ZER1: variants seen among roughly 807,000 people sequenced by gnomAD.
ZER1 encodes the protein zyg-11 related cell cycle regulator.
ZER1 carries 11 observed loss-of-function variants against 78.8 expected under a neutral mutation model. That is an observed-to-expected ratio of 0.14 (90% CI 0.09 to 0.23). The LOEUF (loss-of-function observed/expected upper bound fraction) is 0.23, where lower values mean the gene tolerates loss of function less well. Ranked by LOEUF, ZER1 falls within the 10% of genes least tolerant of loss-of-function variation. The pLI is 1.00. For missense variants in ZER1, 588 were observed against 996.9 expected, an observed-to-expected ratio of 0.59 and a Z score of 5.52; for synonymous variants, 400 against 407.0, an observed-to-expected ratio of 0.98 and a Z score of 0.21.
At chr9:128,759,018 G>A (rs1863954447) in intron 1 of ZER1, among the ~76,000 whole-genome samples, 1 of 145,482 alleles carries the variant, frequency 6.9e-6, no homozygotes, top group Admixed American at 6.9e-5. Flanking sequence ...TTTTTTTTTA[G>A]ACTGAGTCTT....
At chr9:128,735,470 G>C (rs996276495) in intron 13 of ZER1, 39 bp from the exon 14 acceptor site, 1 of 1,581,108 alleles carries the variant, frequency 6.3e-7, no homozygotes, top group South Asian at 1.1e-5. Context: ...GGATGCTGAG[G>C]GTGGGGAGTG....
intron 1 of ZER1, among the ~76,000 whole-genome samples, chr9:128,766,308 C>T (rs1305506948): frequency 6.9e-6 from 1 of 145,508 alleles, no homozygotes; most frequent in African/African-American, 2.6e-5. Flanking sequence ...AAGATTGCAC[C>T]ACTGTACTCC....
intron 8 of ZER1, among the ~76,000 whole-genome samples, chr9:128,750,088 C>T (rs1863625948): frequency 6.6e-6 from 1 of 152,112 alleles, no homozygotes; most frequent in South Asian, 2.1e-4. Flanking sequence ...TGTTCATATT[C>T]ATGTGACAAC....
chr9:128,744,248 G>T (rs1041916995), intron 8 of ZER1, among the ~76,000 whole-genome samples: 1 of 151,758 alleles, frequency 6.6e-6, no homozygotes, highest in Non-Finnish European at 1.5e-5. Context: ...GTCCAGTGGT[G>T]CAATCTTGCA....
At chr9:128,750,889 T>A in intron 7 of ZER1, 100 bp from the exon 8 acceptor site, 1 of 1,526,794 alleles carries the variant, frequency 6.5e-7, no homozygotes, top group Non-Finnish European at 8.9e-7. Context: ...TTTAGCCTGG[T>A]CTTGCTCTCT....
intron 1 of ZER1, among the ~76,000 whole-genome samples, chr9:128,763,723 C>A (rs1864119524): frequency 6.6e-6 from 1 of 152,218 alleles, no homozygotes; most frequent in Non-Finnish European, 1.5e-5. Context: ...TGCAGTGGCT[C>A]ACACCTGTAA....
intron 14 of ZER1, among the ~76,000 whole-genome samples, chr9:128,734,059 C>T (rs1365975609): frequency 1.0e-5 from 1 of 98,344 alleles, no homozygotes; most frequent in Non-Finnish European, 2.0e-5. Flanking sequence ...ACCCGGGAGG[C>T]GGAGCTTGCA....
At chr9:128,741,023 C>A in intron 11 of ZER1, 136 bp from the exon 12 acceptor site, 1 of 630,550 alleles carries the variant, frequency 1.6e-6, no homozygotes. Context: ...TGCCCTCCTA[C>A]CCTCCAATGC....
At position 128,755,046 on chromosome 9, in the gene ZER1, G is replaced by C. The variant is rs146854328; in HGVS notation, c.158+362C>G. 6.6e-6 allele frequency among the ~76,000 whole-genome samples: 1 copy of C among 152,166 alleles called. No homozygotes were observed. The highest frequency in any genetic ancestry group is 1.9e-4 in the East Asian group (1 of 5,198). On this transcript the variant is annotated intron_variant, in intron 2 of 15. Transcript: ENST00000291900. This position sits in a 1 kb window ranked among gnomAD's most constrained non-coding sequence, Gnocchi z 5.6. ...TATGTGCATGTGAATGTACATACACGTGTGGGGCAACACTTAATTCCTTCA... is the reference window on the plus strand; with the variant it reads ...TATGTGCATGTGAATGTACATACACCTGTGGGGCAACACTTAATTCCTTCA...
Position 128,741,810 on chromosome 9 carries a change from A to T in ZER1, c.1607T>A (p.Leu536Gln), listed in dbSNP as rs751892608. Residue 536 changes from leucine (L) to glutamine (Q), a missense_variant, in exon 10 of 16, where the codon CTG becomes CAG. Leu to Gln is a moderately radical substitution (Grantham distance 113). Around this residue, in one of 3 missense-constraint regions of ZER1, gnomAD observed 60 missense variants for 163.3 expected, o/e 0.37. Transcript: ENST00000291900. Reference sequence around the variant, plus strand: ...GAAGACTTGACTTACTGTCTTGTCCAGCAGCTTCTTCTGAATCAGCTTCAG... The same window carrying T: ...GAAGACTTGACTTACTGTCTTGTCCTGCAGCTTCTTCTGAATCAGCTTCAG... ...TMLKLIQKKL[L>Q]DKTCDQVMEF... The T allele has an allele frequency of 2.5e-6, 4 of 1,614,226 alleles. No homozygotes were observed. In the South Asian group the frequency reaches 4.4e-5, roughly 18 times the overall value.
chr9:128,768,534 C>G (rs1249075372), intron 1 of ZER1, among the ~76,000 whole-genome samples: 1 of 152,148 alleles, frequency 6.6e-6, no homozygotes, highest in Non-Finnish European at 1.5e-5. Context: ...AACAGCAGAG[C>G]CGGGATTTGA....
At chr9:128,742,236 A>G (rs1402397920) in intron 9 of ZER1, among the ~76,000 whole-genome samples, 1 of 152,198 alleles carries the variant, frequency 6.6e-6, no homozygotes, top group Non-Finnish European at 1.5e-5. Context: ...TGGGGACACA[A>G]TGACGGAAGG....
In ZER1 at chr9:128,730,166, G is replaced by C. The variant is rs984303516; in HGVS notation, c.*1171C>G. The C allele has an allele frequency of 2.6e-5, 4 of 152,670 alleles. No homozygotes were observed. Among genetic ancestry groups the C allele is most frequent in the African/African-American group, 9.6e-5 (4 of 41,486 alleles). 9.5% of individuals were successfully genotyped at this position (152,670 alleles called of 1,614,324 possible). On this transcript the variant is annotated 3_prime_UTR_variant, in exon 16 of 16. Transcript: ENST00000291900. ...GGTTAGCGCTGCTCCCCAGGCCCCT[G>C]CGCTCCACAAGTGTCCGATGAGAAG...
intron 1 of ZER1, among the ~76,000 whole-genome samples, chr9:128,765,996 G>C (rs2132488818): frequency 1.3e-5 from 2 of 152,320 alleles, no homozygotes; most frequent in Non-Finnish European, 2.9e-5. Flanking sequence ...CAGACTGGTT[G>C]GGTTCTATTC....
Position 128,735,760 on chromosome 9 carries a change from G to GTTTTTTTTTTTTTTTTTTTTTTTTTT in ZER1, c.2043-330_2043-329insAAAAAAAAAAAAAAAAAAAAAAAAAA, listed in dbSNP as rs779646793. On this transcript the variant is annotated intron_variant, in intron 13 of 15. Transcript: ENST00000291900. ...CTGGGAACAGAAGCACGTGTGACCT[G>GTTTTTTTTTTTTTTTTTTTTTTTTTT]GTTTTTTTTTTTTTTTTTTTTTTTT... Among the ~76,000 whole-genome samples, 8 of 16,176 alleles carry GTTTTTTTTTTTTTTTTTTTTTTTTTT rather than the reference G, an allele frequency of 4.9e-4. 4 individuals are homozygous for GTTTTTTTTTTTTTTTTTTTTTTTTTT. Among genetic ancestry groups the GTTTTTTTTTTTTTTTTTTTTTTTTTT allele is most frequent in the South Asian group, 4.3e-3 (2 of 460 alleles). 10.6% of individuals were successfully genotyped at this position (16,176 alleles called of 152,430 possible).
At chr9:128,766,760 C>T (rs143588763) in intron 1 of ZER1, among the ~76,000 whole-genome samples, 4,815 of 144,064 alleles carry the variant, frequency 0.033, 93 homozygotes, top group Middle Eastern at 0.083. Context: ...GCAGGAGAAT[C>T]GCTTGAACCT....
At position 128,742,293 on chromosome 9, in the gene ZER1, G is replaced by A. The variant is rs1403678220; in HGVS notation, c.1575+237C>T. 3.3e-5 allele frequency among the ~76,000 whole-genome samples: 5 copies of A among 152,366 alleles called. No individual in the cohort carries two copies. In the East Asian group the frequency reaches 5.8e-4, roughly 18 times the overall value. ...CAGAGCTTATGAAAGCAGGATGAGCGCAGGGACTGGGACAGGATGACAGCA... is the reference window on the plus strand; with the variant it reads ...CAGAGCTTATGAAAGCAGGATGAGCACAGGGACTGGGACAGGATGACAGCA... On this transcript the variant is annotated intron_variant, in intron 9 of 15. Coordinates refer to ENST00000291900, the MANE Select transcript of ZER1 (RefSeq NM_006336.4).
At chr9:128,744,133 G>A (rs1020206970) in intron 8 of ZER1, among the ~76,000 whole-genome samples, 6 of 151,746 alleles carry the variant, frequency 4.0e-5, no homozygotes, top group African/African-American at 9.7e-5. Flanking sequence ...TTCTGACCTC[G>A]TGATCCACCC....
At chr9:128,748,325 C>T (rs1863563453) in intron 8 of ZER1, among the ~76,000 whole-genome samples, 1 of 150,672 alleles carries the variant, frequency 6.6e-6, no homozygotes, top group Non-Finnish European at 1.5e-5. Flanking sequence ...TAGCGTGAAC[C>T]TGGGAGGTGG....
Sources: gnomAD v4.1 joint callset for allele counts (sites outside exome capture counted in the v4.1 genomes callset) on GRCh38, gnomAD v4.1.1 for gene constraint, gnomAD v4.1.1 regional missense constraint, Gnocchi (gnomAD v3.1) non-coding constraint, MANE v1.5 for transcripts, NCBI Gene and HGNC (gene_info 2026-07-23, HGNC 2026-07-21) for gene names.